Variants in GRID2 observed in about 807,000 individuals in gnomAD.
The protein encoded by GRID2 is glutamate receptor ionotropic, delta-2.
Under a neutral mutation model 114.8 loss-of-function variants are expected in GRID2, and 33 were observed. That is an observed-to-expected ratio of 0.29 (90% CI 0.22 to 0.38). The LOEUF (loss-of-function observed/expected upper bound fraction) is 0.38, where lower values mean the gene tolerates loss of function less well. Among genes scored for constraint, GRID2 ranks in the 10% least tolerant of loss-of-function variants. The pLI is 1.00. For synonymous variants in GRID2, 505 were observed against 449.9 expected (o/e 1.12, Z -1.55); for missense variants, 1,184 against 1,257.7 (o/e 0.94, Z 0.89).
At chr4:92,554,942 C>T (rs975675269) in intron 1 of GRID2, among the ~76,000 whole-genome samples, 17 of 151,838 alleles carry the variant, frequency 1.1e-4, no homozygotes, top group South Asian at 1.0e-3. Flanking sequence ...GTTTATTGCT[C>T]GTCAGTAAAG....
chr4:92,390,438 C>G (rs1455719470), intron 1 of GRID2, among the ~76,000 whole-genome samples: 1 of 152,128 alleles, frequency 6.6e-6, no homozygotes, highest in African/African-American at 2.4e-5. Context: ...AAAAGGGTGG[C>G]TCTCCCTTGG....
chr4:92,304,061 T>C lies in GRID2; in HGVS notation c.-596T>C, dbSNP rs1302710776. 1 of 154,380 alleles carries C rather than the reference T, an allele frequency of 6.5e-6. No individual in the cohort carries two copies. Among genetic ancestry groups the C allele is most frequent in the African/African-American group, 2.4e-5 (1 of 41,468 alleles). 9.6% of individuals were successfully genotyped at this position (154,380 alleles called of 1,614,324 possible). On this transcript the variant is annotated 5_prime_UTR_variant, in exon 1 of 16. Transcript: ENST00000282020. ...ATTACTATCTGCATTACCTTGAAGT[T>C]CACTTTTTCTACCCCTCTTGGAGAG...
At chr4:92,652,993 A>T (rs1331308127) in intron 2 of GRID2, among the ~76,000 whole-genome samples, 1 of 126,112 alleles carries the variant, frequency 7.9e-6, no homozygotes, top group Non-Finnish European at 1.7e-5. Context: ...AATATATATA[A>T]ATATATATAA....
chr4:93,715,259 C>T (rs766096438), intron 14 of GRID2, among the ~76,000 whole-genome samples: 1 of 152,120 alleles, frequency 6.6e-6, no homozygotes, highest in Non-Finnish European at 1.5e-5. Context: ...AGTCTTACCT[C>T]TGCATTCTCT....
chr4:93,572,323 A>T (rs1478856469), intron 13 of GRID2, among the ~76,000 whole-genome samples: 1 of 152,170 alleles, frequency 6.6e-6, no homozygotes, highest in Non-Finnish European at 1.5e-5. Flanking sequence ...GTGACCTAAG[A>T]TAGTTAGTTT....
In GRID2 at chr4:93,772,661, C is replaced by A; in HGVS notation, c.*163C>A. 1.8e-6 allele frequency: 1 copy of A among 557,864 alleles called. No individual in the cohort carries two copies. Among genetic ancestry groups the A allele is most frequent in the Non-Finnish European group, 3.1e-6 (1 of 321,142 alleles). The allele number at this position is 557,864 out of a possible 1,614,324, so 34.6% of individuals were successfully genotyped here. On this transcript the variant is annotated 3_prime_UTR_variant, in exon 16 of 16. Transcript: ENST00000282020. The stretch of plus-strand genomic sequence containing the variant: ...CCACCTTCTCCCTCTCCTCTCTCCT[C>A]TATGATTTTCTCTCTTTCCCCCTCC...
intron 7 of GRID2, among the ~76,000 whole-genome samples, chr4:93,230,542 G>A (rs1014064851): frequency 3.3e-5 from 5 of 151,966 alleles, no homozygotes; most frequent in Non-Finnish European, 7.4e-5. Flanking sequence ...TACAGTTATA[G>A]AGTAGCAAGT....
At chr4:92,875,529 G>A (rs558519331) in intron 2 of GRID2, among the ~76,000 whole-genome samples, 3 of 152,290 alleles carry the variant, frequency 2.0e-5, no homozygotes, top group Admixed American at 1.3e-4. Flanking sequence ...GGTTGTGTAG[G>A]AGTGAACATC....
intron 2 of GRID2, among the ~76,000 whole-genome samples, chr4:92,981,102 A>G (rs1283851166): frequency 6.6e-6 from 1 of 152,068 alleles, no homozygotes; most frequent in Non-Finnish European, 1.5e-5. Flanking sequence ...CCCATGCCTC[A>G]ATACCAGTCA....
chr4:93,679,898 G>T (rs1445822907), intron 14 of GRID2, among the ~76,000 whole-genome samples: 1 of 151,044 alleles, frequency 6.6e-6, no homozygotes, highest in South Asian at 2.1e-4. Context: ...ACATTCAAAA[G>T]CCAGAAGAAG....
intron 8 of GRID2, among the ~76,000 whole-genome samples, chr4:93,328,101 G>A (rs1157250076): frequency 6.6e-6 from 1 of 150,632 alleles, no homozygotes; most frequent in Non-Finnish European, 1.5e-5. Context: ...CTGGGTGAAC[G>A]AGCAAGACTC....
At chr4:92,346,918 C>G (rs1455655704) in intron 1 of GRID2, among the ~76,000 whole-genome samples, 2 of 152,158 alleles carry the variant, frequency 1.3e-5, no homozygotes, top group African/African-American at 4.8e-5. Context: ...ATCTATCTCT[C>G]ATTATGCATC....
intron 14 of GRID2, among the ~76,000 whole-genome samples, chr4:93,723,077 A>T (rs982826381): frequency 1.3e-5 from 2 of 152,184 alleles, no homozygotes; most frequent in Admixed American, 1.3e-4. Context: ...TCAATTGGAT[A>T]GGGTAAGCTT....
chr4:92,710,529 C>T lies in GRID2; in HGVS notation c.244+120243C>T, dbSNP rs143853761. Among the ~76,000 whole-genome samples, 3 of 152,290 alleles carry T rather than the reference C, an allele frequency of 2.0e-5. No homozygotes were observed. In the East Asian group the frequency reaches 5.8e-4, roughly 29 times the overall value. On this transcript the variant is annotated intron_variant, in intron 2 of 15. Transcript: ENST00000282020. ...GAATGCTCTCAACTTTTGCCAGGCC[C>T]TCTCTTAGCTTTTGTGCCATGTCCT... is the stretch of plus-strand genomic sequence containing the variant.
chr4:93,412,758 A>G (rs9996912), intron 9 of GRID2, among the ~76,000 whole-genome samples: 1 of 151,718 alleles, frequency 6.6e-6, no homozygotes, highest in South Asian at 2.1e-4. Context: ...TGCCTACCCC[A>G]CTAACAGGCC....
At chr4:93,361,752 T>C (rs1178998000) in intron 8 of GRID2, among the ~76,000 whole-genome samples, 1 of 152,158 alleles carries the variant, frequency 6.6e-6, no homozygotes, top group Admixed American at 6.6e-5. Flanking sequence ...AGACAGACAC[T>C]ATGTAAGGAC....
intron 10 of GRID2, among the ~76,000 whole-genome samples, chr4:93,454,543 A>T (rs968316109): frequency 6.6e-5 from 10 of 152,038 alleles, no homozygotes; most frequent in Admixed American, 5.9e-4. Flanking sequence ...AGCAACAAAG[A>T]TATATGAACT....
chr4:93,632,357 A>G, intron 14 of GRID2, among the ~76,000 whole-genome samples: 1 of 152,172 alleles, frequency 6.6e-6, no homozygotes, highest in Non-Finnish European at 1.5e-5. Flanking sequence ...TAGGTCTAAC[A>G]TTGAAGTCTT....
intron 1 of GRID2, among the ~76,000 whole-genome samples, chr4:92,351,146 A>G (rs1056282728): frequency 6.6e-6 from 1 of 151,832 alleles, no homozygotes; most frequent in African/African-American, 2.4e-5. Flanking sequence ...TTTGTATACA[A>G]GATTTTGTGT....
Sources: gnomAD v4.1 joint callset for allele counts (sites outside exome capture counted in the v4.1 genomes callset) on GRCh38, gnomAD v4.1.1 for gene constraint, MANE v1.5 for transcripts, NCBI Gene and HGNC (gene_info 2026-07-23, HGNC 2026-07-21) for gene names.